NRXN1: variants seen among roughly 807,000 people sequenced by gnomAD.
NRXN1 encodes the protein neurexin 1, also known as neurexin-1.
In NRXN1, 39 loss-of-function variants were observed where a neutral mutation model predicts 150.9. The ratio of observed to expected loss-of-function variants is 0.26; its 90% confidence interval spans 0.20 to 0.34. The LOEUF is 0.34. NRXN1 is among the 10% of genes least tolerant of loss of function. The pLI is 1.00. For synonymous variants in NRXN1, 924 were observed against 757.0 expected (o/e 1.22, Z -3.62); for missense variants, 1,815 against 1,949.9 (o/e 0.93, Z 1.30).
intron 2 of NRXN1, among the ~76,000 whole-genome samples, chr2:50,977,542 T>G (rs767619183): frequency 2.0e-5 from 3 of 151,938 alleles, no homozygotes; most frequent in Non-Finnish European, 2.9e-5. Context: ...ACTACAAGTT[T>G]AAATGAAGTA....
intron 21 of NRXN1, chr2:49,972,650 C>T (rs1318026641): frequency 6.6e-6 from 1 of 152,142 alleles, no homozygotes; most frequent in Non-Finnish European, 1.5e-5. Context: ...ATGTGACAAA[C>T]ACCACAAATA....
chr2:50,366,151 A>T (rs1572696727), intron 17 of NRXN1, among the ~76,000 whole-genome samples: 1 of 117,838 alleles, frequency 8.5e-6, no homozygotes, highest in African/African-American at 3.2e-5. Context: ...TCGGCTGGAC[A>T]CTTTTTTTTT....
intron 2 of NRXN1, among the ~76,000 whole-genome samples, chr2:50,957,266 T>G (rs1692427553): frequency 1.3e-5 from 2 of 152,158 alleles, no homozygotes; most frequent in African/African-American, 4.8e-5. Flanking sequence ...TTATTAGCTA[T>G]GTGTCCTTGA....
At chr2:50,349,088 AG>A (rs1250976109) in intron 17 of NRXN1, among the ~76,000 whole-genome samples, 1 of 152,180 alleles carries the variant, frequency 6.6e-6, no homozygotes, top group African/African-American at 2.4e-5. Flanking sequence ...CTATATAAAT[AG>A]TGTCCAGTGG....
intron 5 of NRXN1, among the ~76,000 whole-genome samples, chr2:50,691,368 G>A (rs181330971): frequency 1.0e-3 from 157 of 152,244 alleles, no homozygotes; most frequent in Middle Eastern, 3.4e-3. Context: ...AACTCTCTGC[G>A]ATAACAGGTT....
At chr2:51,018,102 G>A (rs563679494) in intron 2 of NRXN1, among the ~76,000 whole-genome samples, 7 of 152,188 alleles carry the variant, frequency 4.6e-5, no homozygotes, top group African/African-American at 1.7e-4. Flanking sequence ...GGTGTTGCGA[G>A]GTCCCAAACA....
intron 21 of NRXN1, among the ~76,000 whole-genome samples, chr2:50,036,051 C>A (rs774322613): frequency 1.3e-5 from 2 of 152,092 alleles, no homozygotes; most frequent in African/African-American, 2.4e-5. Flanking sequence ...GAGGAAAATG[C>A]GCAGAATAGA....
intron 18 of NRXN1, among the ~76,000 whole-genome samples, chr2:50,161,748 T>C (rs868788552): frequency 1.3e-5 from 2 of 152,218 alleles, no homozygotes; most frequent in Middle Eastern, 3.4e-3. Flanking sequence ...GTAGATAATA[T>C]ATTCCTCAAA....
At chr2:50,078,507 T>C (rs531314645) in intron 19 of NRXN1, among the ~76,000 whole-genome samples, 68 of 152,192 alleles carry the variant, frequency 4.5e-4, no homozygotes, top group Middle Eastern at 3.4e-3. Context: ...TTGACTAAAG[T>C]ATACACTTTA....
At chr2:50,045,248 T>C (rs1490430515) in intron 21 of NRXN1, among the ~76,000 whole-genome samples, 2 of 152,194 alleles carry the variant, frequency 1.3e-5, no homozygotes, top group Non-Finnish European at 2.9e-5. Flanking sequence ...TTAAAACTAA[T>C]ATTGACTTAG....
rs79579031 is a variant in NRXN1 at position 50,837,383 on chromosome 2, T to C, written c.832+84486A>G. Among the ~76,000 whole-genome samples, 47 of 152,274 alleles carry C rather than the reference T, an allele frequency of 3.1e-4. 1 individual carries two copies. Among genetic ancestry groups the C allele is most frequent in the African/African-American group, 1.1e-3 (46 of 41,580 alleles). ...AGAGCATAATGGTTTGGGGCAGGCATACTTTTTGGGTCAGATGAGAATGGG... is the reference window on the plus strand; with the variant it reads ...AGAGCATAATGGTTTGGGGCAGGCACACTTTTTGGGTCAGATGAGAATGGG... On this transcript the variant is annotated intron_variant, in intron 5 of 22. Transcript: ENST00000401669.
intron 15 of NRXN1, among the ~76,000 whole-genome samples, chr2:50,482,924 G>A (rs190752718): frequency 1.1e-4 from 17 of 151,870 alleles, no homozygotes; most frequent in South Asian, 4.2e-4. Context: ...GGTGGCATGC[G>A]TCTGTAGTCC....
At chr2:50,604,656 A>G (rs531071633) in intron 8 of NRXN1, among the ~76,000 whole-genome samples, 2 of 152,252 alleles carry the variant, frequency 1.3e-5, no homozygotes, top group South Asian at 2.1e-4. Context: ...GTGCCATACT[A>G]CTTTTCTCAA....
rs190715223 is a variant in NRXN1, at chr2:50,571,809, G to A, written c.1321-18784C>T. 7.0e-3 allele frequency among the ~76,000 whole-genome samples: 1,072 copies of A among 152,154 alleles called. 5 individuals are homozygous for A. Among genetic ancestry groups the A allele is most frequent in the Non-Finnish European group, 0.01 (687 of 68,006 alleles). ...AAGAAAACCATTCAGATGCTTGGGGGAAAAGCTTAGAAAAAGGGAAAAACA... is the reference window on the plus strand; with the variant it reads ...AAGAAAACCATTCAGATGCTTGGGGAAAAAGCTTAGAAAAAGGGAAAAACA... On this transcript the variant is annotated intron_variant, in intron 8 of 22. Transcript: ENST00000401669.
chr2:50,389,150 C>T (rs7567375), intron 17 of NRXN1, among the ~76,000 whole-genome samples: 37,422 of 151,336 alleles, frequency 0.25, 4,913 homozygotes, highest in East Asian at 0.44. Flanking sequence ...AGACACAGAG[C>T]GAGGCCCTGT....
At chr2:50,006,115 G>T (rs1573362902) in intron 21 of NRXN1, among the ~76,000 whole-genome samples, 1 of 152,120 alleles carries the variant, frequency 6.6e-6, no homozygotes, top group African/African-American at 2.4e-5. Context: ...TCCTCAGCTT[G>T]TTCCCTTTCT....
intron 17 of NRXN1, among the ~76,000 whole-genome samples, chr2:50,351,234 T>C (rs1196775725): frequency 6.6e-6 from 1 of 152,292 alleles, no homozygotes; most frequent in Non-Finnish European, 1.5e-5. Flanking sequence ...AACTGTAATG[T>C]ATTCTAAAAA....
At chr2:50,466,315 G>C (rs2088841355) in intron 16 of NRXN1, 1 of 356,256 alleles carries the variant, frequency 2.8e-6, no homozygotes, top group African/African-American at 2.2e-5. Flanking sequence ...ACAAAGTTAG[G>C]CTTCTTGCAC....
chr2:50,812,858 GT>G (rs933925947), intron 5 of NRXN1, among the ~76,000 whole-genome samples: 6 of 151,366 alleles, frequency 4.0e-5, no homozygotes, highest in African/African-American at 1.5e-4. Context: ...GATCTAGTGA[GT>G]TTTTTTAAAT....
Sources: gnomAD v4.1 joint callset for allele counts (sites outside exome capture counted in the v4.1 genomes callset) on GRCh38, gnomAD v4.1.1 for gene constraint, MANE v1.5 for transcripts, NCBI Gene and HGNC (gene_info 2026-07-23, HGNC 2026-07-21) for gene names.